The following ITGA5 variants were observed in gnomAD, a reference collection of about 807,000 sequenced individuals.
ITGA5 encodes integrin alpha-5.
ITGA5 carries 55 observed loss-of-function variants against 146.3 expected under a neutral mutation model. The observed-to-expected ratio is 0.38, with a 90% CI of 0.30 to 0.47. The LOEUF is 0.47. ITGA5 is among the 20% of genes least tolerant of loss of function. The pLI is 0.99. For synonymous variants in ITGA5, 500 were observed against 531.8 expected (o/e 0.94, Z 0.82); for missense variants, 1,131 against 1,329.0 (o/e 0.85, Z 2.32).
chr12:54,409,401 C>T lies in ITGA5; in HGVS notation c.463-49G>A. 6.2e-7 allele frequency: 1 copy of T among 1,607,438 alleles called. No homozygotes were observed. The highest frequency in any genetic ancestry group is 8.5e-7 in the Non-Finnish European group (1 of 1,176,804). On this transcript the variant is annotated intron_variant, in intron 3 of 29. Transcript: ENST00000293379. This position sits in a 1 kb window ranked among gnomAD's most constrained non-coding sequence, Gnocchi z 4.7. Reference sequence around the variant, plus strand: ...CCTTCAGATTCAGTCCAATAAGGCCCTTCCTCCCTCCCTCCAGGCCCGGCC... The same window carrying T: ...CCTTCAGATTCAGTCCAATAAGGCCTTTCCTCCCTCCCTCCAGGCCCGGCC...
Position 54,404,715 on chromosome 12 carries a change from T to C in ITGA5, c.1405A>G (p.Asn469Asp). 6.2e-7 allele frequency: 1 copy of C among 1,613,292 alleles called. No individual in the cohort carries two copies. The highest frequency in any genetic ancestry group is 8.5e-7 in the Non-Finnish European group (1 of 1,179,420). ...AGGCACAACTCACCAGGATATCCAT[T>C]GCCATCCAGGTCTCGGCCTCCTCGA... is the stretch of plus-strand genomic sequence containing the variant. ...ALRGGRDLDG[N>D]GYPDLIVGSF... Residue 469 changes from asparagine (N) to aspartate (D), a missense_variant, in exon 13 of 30, where the codon AAT (asparagine) becomes GAT (aspartate). Asn to Asp is a conservative substitution (Grantham distance 23). Transcript: ENST00000293379.
chr12:54,396,201 C>T lies in ITGA5; in HGVS notation c.*92G>A, dbSNP rs1955707249. The T allele has an allele frequency of 9.7e-7, 1 of 1,026,020 alleles. No homozygotes were observed. Among genetic ancestry groups the T allele is most frequent in the Non-Finnish European group, 1.5e-6 (1 of 664,252 alleles). The allele number at this position is 1,026,020 out of a possible 1,614,324, so 63.6% of individuals were successfully genotyped here. A position where few individuals can be genotyped will look rare whatever the true frequency, so the allele number is the denominator to read the frequency against. ...AGAGGAGCTTCTCCCTGGCCGTCAG[C>T]ACCTTCAAGAAGTACCCAGACCCCT... On this transcript the variant is annotated 3_prime_UTR_variant, in exon 30 of 30. Transcript: ENST00000293379.
chr12:54,402,990 C>T lies in ITGA5; in HGVS notation c.1975G>A (p.Val659Met). ...NICVPDLQLE[V>M]FGEQNHVYLG... is the part of the protein sequence containing the mutation. The stretch of plus-strand genomic sequence containing the variant: ...ACCGTCAGCCCTACTTACCCAAACA[C>T]TTCCAGCTGCAGGTCAGGCACACAG... The change falls in exon 19 of 30, where the codon GTG (valine) becomes ATG (methionine). Residue 659 changes from valine to methionine, a missense_variant. Physicochemically the swap from Val to Met is conservative, Grantham distance 21. This residue lies in a region of ITGA5 where 889 missense variants were observed against 1,021.5 expected (regional missense o/e 0.87). Transcript: ENST00000293379. 6.2e-7 allele frequency: 1 copy of T among 1,614,146 alleles called. No individual in the cohort carries two copies.
rs1955882065 is a variant in ITGA5, at chr12:54,407,499, C to T, written c.906+150G>A. 8.6e-6 allele frequency: 6 copies of T among 698,014 alleles called. No homozygotes were observed. In the South Asian group the frequency reaches 9.5e-5, roughly 11 times the overall value. 43.2% of individuals were successfully genotyped at this position (698,014 alleles called of 1,614,324 possible). A position where few individuals can be genotyped will look rare whatever the true frequency, so the allele number is the denominator to read the frequency against. On this transcript the variant is annotated intron_variant, in intron 9 of 29. Transcript: ENST00000293379. Reference sequence around the variant, plus strand: ...AGTATGAATAAAGAGCAGAATGATTCTGCCAGAGTAAGTGCCAGAACTTGA... The same window carrying T: ...AGTATGAATAAAGAGCAGAATGATTTTGCCAGAGTAAGTGCCAGAACTTGA...
chr12:54,412,782 G>A (rs755368935), intron 1 of ITGA5, among the ~76,000 whole-genome samples: 4 of 152,114 alleles, frequency 2.6e-5, no homozygotes, highest in African/African-American at 4.8e-5. Context: ...TCCTCCTGCC[G>A]TCAGCTCTGC....
At chr12:54,398,450 G>A (rs983507758) in intron 28 of ITGA5, 147 bp downstream of exon 28, 5 of 594,026 alleles carry the variant, frequency 8.4e-6, no homozygotes, top group Non-Finnish European at 1.5e-5. Flanking sequence ...TTACCACTCT[G>A]TCTCTGGCAT....
rs756669983 is a variant in ITGA5, at chr12:54,399,650, A to G, written c.2836T>C (p.Leu946=). ...LHFRVWAKTF[L]QREHQPFSLQ... is the part of the protein sequence containing the mutation. ...CTGAGGTAAGGCTCCCTCACCTGCA[A>G]GAAAGTCTTGGCCCAGACTCGGAAA... The change falls in exon 27 of 30, where the codon TTG becomes CTG. Residue 946 remains leucine, a synonymous_variant. Coordinates refer to ENST00000293379, the MANE Select transcript of ITGA5 (RefSeq NM_002205.5). 3 of 1,613,172 alleles carry G rather than the reference A, an allele frequency of 1.9e-6. No individual in the cohort carries two copies. In the Admixed American group the frequency reaches 5.0e-5, roughly 27 times the overall value.
chr12:54,408,014 G>A, intron 7 of ITGA5, 96 bp downstream of exon 7: 2 of 1,548,978 alleles, frequency 1.3e-6, no homozygotes, highest in Non-Finnish European at 1.8e-6. Flanking sequence ...GGGGTGCTGG[G>A]GATGCCTGAG....
At position 54,403,984 on chromosome 12, in the gene ITGA5, A is replaced by G; in HGVS notation, c.1566-18T>C. The G allele has an allele frequency of 6.2e-7, 1 of 1,613,956 alleles. No homozygotes were observed. The highest frequency in any genetic ancestry group is 8.5e-7 in the Non-Finnish European group (1 of 1,179,822). On this transcript the variant is annotated intron_variant, in intron 15 of 29. Transcript: ENST00000293379. This position sits in a 1 kb window ranked among gnomAD's most constrained non-coding sequence, Gnocchi z 4.9. The stretch of plus-strand genomic sequence containing the variant: ...GGTTGATGCTGGAGAGAGACCAAGA[A>G]GAAAGCTGGTGAATCCAACTGGAAC...
At chr12:54,402,478 C>G (rs866299636) in intron 19 of ITGA5, 148 bp from the exon 20 acceptor site, 12 of 644,922 alleles carry the variant, frequency 1.9e-5, no homozygotes, top group Non-Finnish European at 3.1e-5. Context: ...GGGTGGATCA[C>G]GAGGTCAGGA....
At position 54,419,088 on chromosome 12, in the gene ITGA5, G is replaced by C. The variant is rs1367088162; in HGVS notation, c.111C>G (p.Pro37=). 1.3e-6 allele frequency: 2 copies of C among 1,588,166 alleles called. No homozygotes were observed. Among genetic ancestry groups the C allele is most frequent in the East Asian group, 2.2e-5 (1 of 44,464 alleles). The change falls in exon 1 of 30, where the codon CCC becomes CCG. Residue 37 remains proline, a synonymous_variant. Transcript: ENST00000293379. ...CGTCTAAGTTGAAGCCCCCGACCCT[G>C]GGTGGCGGCGGCAGCAGCAGCAACA... is the stretch of plus-strand genomic sequence containing the variant. ...PLLLLLLPPP[P]RVGGFNLDAE...
At chr12:54,404,297 G>A in intron 14 of ITGA5, 51 bp from the exon 15 acceptor site, 2 of 1,580,584 alleles carry the variant, frequency 1.3e-6, no homozygotes, top group Non-Finnish European at 1.7e-6. Flanking sequence ...TCTGTAACCT[G>A]GACACAGGAA....
In ITGA5 at chr12:54,401,227, C is replaced by T. The variant is rs980748686; in HGVS notation, c.2493+146G>A. 3 of 787,962 alleles carry T rather than the reference C, an allele frequency of 3.8e-6. No individual in the cohort carries two copies. Among genetic ancestry groups the T allele is most frequent in the Non-Finnish European group, 6.5e-6 (3 of 462,582 alleles). 48.8% of individuals were successfully genotyped at this position (787,962 alleles called of 1,614,324 possible). ...CTGTCTCTCCTCTGGCTGTTTCTCA[C>T]AGGACTCTGCCTCATGCCTTTGCAT... On this transcript the variant is annotated intron_variant, in intron 24 of 29. Transcript: ENST00000293379. This position sits in a 1 kb window ranked among gnomAD's most constrained non-coding sequence, Gnocchi z 5.0.
At position 54,405,668 on chromosome 12, in the gene ITGA5, C is replaced by A; in HGVS notation, c.1012G>T (p.Asp338Tyr). ...CGCTCATTTCCCACCACTCACCCGT[C>A]CCCATTGACGTCTGTGGCGGCCACT... The part of the protein sequence containing the change: ...YAVAATDVNG[D>Y]GLDDLLVGAP... Residue 338 changes from aspartate to tyrosine, a missense_variant, in exon 11 of 30, where the codon GAC (aspartate) becomes TAC (tyrosine). Around this residue, in one of 3 missense-constraint regions of ITGA5, gnomAD observed 889 missense variants for 1,021.5 expected, o/e 0.87. Transcript: ENST00000293379. 1 of 1,613,380 alleles carries A rather than the reference C, an allele frequency of 6.2e-7. No homozygotes were observed. The highest frequency in any genetic ancestry group is 8.5e-7 in the Non-Finnish European group (1 of 1,179,386).
chr12:54,405,549 C>T (rs763550106), intron 11 of ITGA5, 115 bp downstream of exon 11: 91 of 1,094,358 alleles, frequency 8.3e-5, no homozygotes, highest in Non-Finnish European at 1.0e-4. Context: ...CAGGTATGAG[C>T]GAGAGTCTAG....
At chr12:54,415,813 A>G (rs1956000428) in intron 1 of ITGA5, among the ~76,000 whole-genome samples, 1 of 152,170 alleles carries the variant, frequency 6.6e-6, no homozygotes, top group South Asian at 2.1e-4. Context: ...TGCATTCACA[A>G]GGGATATGTA....
In ITGA5 at chr12:54,401,368, C is replaced by CG; in HGVS notation, c.2493+4_2493+5insC. On this transcript the variant is annotated splice_donor_region_variant and intron_variant, in intron 24 of 29. Coordinates refer to ENST00000293379, the MANE Select transcript of ITGA5 (RefSeq NM_002205.5). The surrounding 1 kb of genome is among the most constrained non-coding windows in gnomAD (Gnocchi z 5.0). ...TCATTCTGGCCCTGCCCCTTCCCCC[C>CG]TTACCTCATAGACATGGTGGACAGC... 6.2e-7 allele frequency: 1 copy of CG among 1,601,004 alleles called. No individual in the cohort carries two copies. The highest frequency in any genetic ancestry group is 8.6e-7 in the Non-Finnish European group (1 of 1,168,090).
rs1955913356 is a variant in ITGA5 at position 54,409,453 on chromosome 12, C to T, written c.462+32G>A. ...TACCCAACCACTGCCCATCCCCTGG[C>T]CACCACACCACTGAGCTTGCTGGCC... On this transcript the variant is annotated intron_variant, in intron 3 of 29. Coordinates refer to ENST00000293379, the MANE Select transcript of ITGA5 (RefSeq NM_002205.5). This position sits in a 1 kb window ranked among gnomAD's most constrained non-coding sequence, Gnocchi z 4.7. The T allele has an allele frequency of 1.9e-6, 3 of 1,610,272 alleles. No homozygotes were observed. Among genetic ancestry groups the T allele is most frequent in the Non-Finnish European group, 2.5e-6 (3 of 1,176,868 alleles).
rs1330302797 is a variant in ITGA5, at chr12:54,397,350, C to G, written c.3066+15G>C. The stretch of plus-strand genomic sequence containing the variant: ...GATGAGAGGGTGGCCAAGTCACAAG[C>G]AGGATGTGGCTGACCTTGTAGAGGA... On this transcript the variant is annotated intron_variant, in intron 29 of 29. Transcript: ENST00000293379. 1 of 1,613,564 alleles carries G rather than the reference C, an allele frequency of 6.2e-7. No homozygotes were observed. The highest frequency in any genetic ancestry group is 8.5e-7 in the Non-Finnish European group (1 of 1,179,692).
Sources: allele counts gnomAD v4.1 joint callset (sites outside exome capture counted in the v4.1 genomes callset), GRCh38; gene constraint gnomAD v4.1.1; regional missense constraint gnomAD v4.1.1; non-coding constraint Gnocchi (gnomAD v3.1); transcripts MANE v1.5; gene names NCBI Gene and HGNC (gene_info 2026-07-23, HGNC 2026-07-21).